The following ATP2A1 variants were observed in gnomAD, a reference collection of about 807,000 sequenced individuals.
The protein encoded by ATP2A1 is ATPase sarcoplasmic/endoplasmic reticulum Ca2+ transporting 1.
A neutral mutation model predicts 109.5 loss-of-function variants in ATP2A1; 83 were observed. The ratio of observed to expected loss-of-function variants is 0.76; its 90% CI spans 0.63 to 0.91. The LOEUF is 0.91. Among genes scored for constraint, ATP2A1 ranks in the 40% least tolerant of loss-of-function variants. ATP2A1 has a pLI of 0.00. For synonymous variants in ATP2A1, 505 were observed against 537.6 expected, an observed-to-expected ratio of 0.94 and a Z score of 0.84; for missense variants, 1,101 against 1,341.0, an observed-to-expected ratio of 0.82 and a Z score of 2.80.
chr16:28,882,894 C>T (rs906350967), intron 5 of ATP2A1, among the ~76,000 whole-genome samples: 9 of 152,240 alleles, frequency 5.9e-5, no homozygotes, highest in African/African-American at 1.4e-4. Context: ...ATGGCCCCGT[C>T]TCCACCCCCT....
rs1319298983 is a variant in ATP2A1, at chr16:28,879,554, A to C, written c.190A>C (p.Ile64Leu). ...GCAGTTTGAAGACCTCCTGGTGCGGATTCTCCTCCTGGCCGCATGCATTTC... is the reference window on the plus strand; with the variant it reads ...GCAGTTTGAAGACCTCCTGGTGCGGCTTCTCCTCCTGGCCGCATGCATTTC... ...IEQFEDLLVRILLLAACISFV... is the reference protein window; with the variant it reads ...IEQFEDLLVRLLLLAACISFV... The change falls in exon 3 of 23, where the codon ATT becomes CTT. Residue 64 changes from isoleucine (I) to leucine (L), a missense_variant. Ile to Leu is a conservative substitution (Grantham distance 5, BLOSUM62 2). Coordinates refer to ENST00000395503, the MANE Select transcript of ATP2A1 (RefSeq NM_004320.6). 3.7e-6 allele frequency: 6 copies of C among 1,614,006 alleles called. No individual in the cohort carries two copies. The South Asian group carries it at 5.5e-5, about 15-fold the overall frequency.
chr16:28,879,865 A>G (rs1963404676), intron 3 of ATP2A1: 1 of 558,242 alleles, frequency 1.8e-6, no homozygotes. Context: ...CGGGTTACCC[A>G]CCCGAACTCC....
Position 28,902,410 on chromosome 16 carries a change from C to T in ATP2A1, c.2524+24C>T. On this transcript the variant is annotated intron_variant, in intron 17 of 22. Coordinates refer to ENST00000395503, the MANE Select transcript of ATP2A1 (RefSeq NM_004320.6). This position sits in a 1 kb window ranked among gnomAD's most constrained non-coding sequence, Gnocchi z 4.8. ...GGGTGAGCTGGAGGGGTTCCTCGAT[C>T]CTCCCCACCCCTTGGGACTAACCCC... The T allele has an allele frequency of 4.3e-6, 7 of 1,611,894 alleles. No individual in the cohort carries two copies. Among genetic ancestry groups the T allele is most frequent in the Non-Finnish European group, 5.9e-6 (7 of 1,178,546 alleles).
At chr16:28,887,747 C>T (rs755008176) in intron 8 of ATP2A1, 25 bp downstream of exon 8, 29 of 1,611,756 alleles carry the variant, frequency 1.8e-5, no homozygotes, top group Non-Finnish European at 2.4e-5. Flanking sequence ...CTTTTCTCCT[C>T]CCATTTGCTA....
Position 28,881,034 on chromosome 16 carries a change from T to A in ATP2A1, c.324+15T>A. On this transcript the variant is annotated intron_variant, in intron 4 of 22. Transcript: ENST00000395503. ...GGGTTTGGCAGGTTAGCGTTGACCC[T>A]TCCTTACCCCTTCATGTCCCAACAG... The A allele has an allele frequency of 6.2e-7, 1 of 1,609,444 alleles. No homozygotes were observed. The highest frequency in any genetic ancestry group is 1.1e-5 in the South Asian group (1 of 91,002).
In ATP2A1 at chr16:28,898,376, C is replaced by T; in HGVS notation, c.1689C>T (p.Ala563=). 2 of 1,614,176 alleles carry T rather than the reference C, an allele frequency of 1.2e-6. No individual in the cohort carries two copies. The highest frequency in any genetic ancestry group is 1.3e-5 in the African/African-American group (1 of 75,052). Residue 563 remains alanine (A), a synonymous_variant, in exon 14 of 23, where the codon GCC becomes GCT. Transcript: ENST00000395503. This position sits in a 1 kb window ranked among gnomAD's most constrained non-coding sequence, Gnocchi z 4.0. ...GCCGGGACACCCTGCGCTGCTTGGC[C>T]CTGGCCACCCGGGACACCCCCCCGA... The part of the protein sequence containing the change: ...GTGRDTLRCL[A]LATRDTPPKR...
intron 3 of ATP2A1, 98 bp downstream of exon 3, chr16:28,879,681 C>T (rs919425306): frequency 1.0e-5 from 14 of 1,364,950 alleles, no homozygotes; most frequent in African/African-American, 7.2e-5. Context: ...GTCCGAGTCC[C>T]GAGCATCCCA....
At chr16:28,885,759 T>C (rs565336932) in intron 6 of ATP2A1, among the ~76,000 whole-genome samples, 2 of 152,144 alleles carry the variant, frequency 1.3e-5, no homozygotes, top group East Asian at 1.9e-4. Flanking sequence ...CACATGGACA[T>C]AGGGCCACAG....
chr16:28,891,698 T>G (rs1375357279), intron 9 of ATP2A1, among the ~76,000 whole-genome samples: 1 of 148,590 alleles, frequency 6.7e-6, no homozygotes, highest in Non-Finnish European at 1.5e-5. Context: ...GCCAACATGG[T>G]GAAAACCAGT....
In ATP2A1 at chr16:28,898,147, C is replaced by T. The variant is rs769401572; in HGVS notation, c.1545+22C>T. 2 of 1,614,196 alleles carry T rather than the reference C, an allele frequency of 1.2e-6. No individual in the cohort carries two copies. The highest frequency in any genetic ancestry group is 1.3e-5 in the African/African-American group (1 of 75,042). ...CAAGGTCAGAAATCGGAATGTGCCT[C>T]AGCCCCCTCTTCTTCCTACTCCTAG... is the stretch of plus-strand genomic sequence containing the variant. On this transcript the variant is annotated intron_variant, in intron 13 of 22. Transcript: ENST00000395503. The surrounding 1 kb of genome is among the most constrained non-coding windows in gnomAD (Gnocchi z 4.0).
Position 28,894,612 on chromosome 16 carries a change from C to T in ATP2A1, c.1287+5C>T, listed in dbSNP as rs377237562. 9.3e-6 allele frequency: 15 copies of T among 1,613,834 alleles called. No homozygotes were observed. In the African/African-American group the frequency reaches 1.6e-4, roughly 17 times the overall value. ...TCCTCCTTGGACTTCAACGAGGTAA[C>T]CTCTCCTTCCCCTTCCAGTTGGCTC... is the stretch of plus-strand genomic sequence containing the variant. On this transcript the variant is annotated splice_donor_5th_base_variant and intron_variant, in intron 11 of 22. Transcript: ENST00000395503.
intron 4 of ATP2A1, 87 bp downstream of exon 4, chr16:28,881,106 C>T: frequency 7.7e-7 from 1 of 1,300,168 alleles, no homozygotes; most frequent in East Asian, 2.3e-5. Context: ...CCTCCATCAC[C>T]TCCCCCATAC....
rs1370759073 is a variant in ATP2A1, at chr16:28,903,179, C to A, written c.2862+32C>A. ...TTTCTTCCGCCCAGGGCCGCCCACC[C>A]CAGCACTGGGGAGCCCACGGCGGGC... On this transcript the variant is annotated intron_variant, in intron 20 of 22. Transcript: ENST00000395503. The surrounding 1 kb of genome is among the most constrained non-coding windows in gnomAD (Gnocchi z 5.6). 1 of 1,609,008 alleles carries A rather than the reference C, an allele frequency of 6.2e-7. No homozygotes were observed. Among genetic ancestry groups the A allele is most frequent in the Admixed American group, 1.7e-5 (1 of 59,996 alleles).
rs755227074 is a variant in ATP2A1 at position 28,903,148 on chromosome 16, G to A, written c.2862+1G>A. 5.6e-6 allele frequency: 9 copies of A among 1,613,372 alleles called. No homozygotes were observed. In the South Asian group the frequency reaches 9.9e-5, roughly 18 times the overall value. ...CATCCTCTATGTTGACCCCCTGCCG[G>A]TGAGGTTTCTTCCGCCCAGGGCCGC... On this transcript the variant is annotated splice_donor_variant, in intron 20 of 22. Coordinates refer to ENST00000395503, the MANE Select transcript of ATP2A1 (RefSeq NM_004320.6). LOFTEE classifies it high-confidence loss of function. This position sits in a 1 kb window ranked among gnomAD's most constrained non-coding sequence, Gnocchi z 5.6.
At position 28,887,640 on chromosome 16, in the gene ATP2A1, C is replaced by T. The variant is rs147215405; in HGVS notation, c.846C>T (p.Pro282=). 4.8e-5 allele frequency: 77 copies of T among 1,614,162 alleles called. No individual in the cohort carries two copies. In the Middle Eastern group the frequency reaches 4.9e-4, roughly 10 times the overall value. The change falls in exon 8 of 23, where the codon CCC becomes CCT. Residue 282 remains proline, a synonymous_variant. Transcript: ENST00000395503. ...TCAACATTGGCCACTTCAACGACCC[C>T]GTCCATGGGGGCTCCTGGTTCCGCG... The part of the protein sequence containing the change: ...WLINIGHFND[P]VHGGSWFRGA...
At chr16:28,885,997 C>T (rs1963605325) in intron 6 of ATP2A1, among the ~76,000 whole-genome samples, 1 of 151,864 alleles carries the variant, frequency 6.6e-6, no homozygotes, top group African/African-American at 2.4e-5. Context: ...GAGACCCCAT[C>T]TCTATAAAAA....
chr16:28,879,030 G>A, intron 1 of ATP2A1, 69 bp from the exon 2 acceptor site: 3 of 1,604,236 alleles, frequency 1.9e-6, no homozygotes, highest in Middle Eastern at 1.7e-4. Flanking sequence ...TAGCCACAAA[G>A]TCTTGGGTGT....
At chr16:28,893,808 C>A (rs1316951327) in intron 9 of ATP2A1, among the ~76,000 whole-genome samples, 1 of 151,974 alleles carries the variant, frequency 6.6e-6, no homozygotes, top group African/African-American at 2.4e-5. Context: ...CACCACCACA[C>A]CTGGCTAATT....
At position 28,898,098 on chromosome 16, in the gene ATP2A1, T is replaced by C. The variant is rs1281225810; in HGVS notation, c.1518T>C (p.Ala506=). The part of the protein sequence containing the change: ...VYCSPAKSSR[A]AVGNKMFVKG... The stretch of plus-strand genomic sequence containing the variant: ...GCTCCCCAGCCAAATCTTCCCGGGC[T>C]GCTGTGGGCAACAAGATGTTTGTCA... Residue 506 remains alanine, a synonymous_variant, in exon 13 of 23, where the codon GCT becomes GCC. Coordinates refer to ENST00000395503, the MANE Select transcript of ATP2A1 (RefSeq NM_004320.6). This position sits in a 1 kb window ranked among gnomAD's most constrained non-coding sequence, Gnocchi z 4.0. 1 of 1,614,200 alleles carries C rather than the reference T, an allele frequency of 6.2e-7. No homozygotes were observed. The highest frequency in any genetic ancestry group is 8.5e-7 in the Non-Finnish European group (1 of 1,180,028).
Sources: allele counts gnomAD v4.1 joint callset (sites outside exome capture counted in the v4.1 genomes callset), GRCh38; gene constraint gnomAD v4.1.1; non-coding constraint Gnocchi (gnomAD v3.1); transcripts MANE v1.5; gene names NCBI Gene and HGNC (gene_info 2026-07-23, HGNC 2026-07-21).